CDH23: variants seen among roughly 807,000 people sequenced by gnomAD.
CDH23 encodes the protein cadherin related 23, also known as cadherin-23.
A neutral mutation model predicts 317.1 loss-of-function variants in CDH23; 189 were observed. The observed-to-expected ratio is 0.60, with a 90% CI of 0.53 to 0.67. CDH23 has a LOEUF of 0.67. Ranked by LOEUF, CDH23 falls within the 30% of genes least tolerant of loss-of-function variation. CDH23 has a pLI of 0.00. For synonymous variants in CDH23, 1,839 were observed against 1,876.8 expected, an observed-to-expected ratio of 0.98 and a Z score of 0.52; for missense variants, 4,401 against 4,592.4, an observed-to-expected ratio of 0.96 and a Z score of 1.20.
At chr10:71,700,312 C>T (rs1218686510) in intron 22 of CDH23, among the ~76,000 whole-genome samples, 1 of 152,090 alleles carries the variant, frequency 6.6e-6, no homozygotes, top group East Asian at 1.9e-4. Context: ...ACTTGAACCC[C>T]AGAAGTGGAG....
At chr10:71,526,643 T>C (rs557178271) in intron 6 of CDH23, among the ~76,000 whole-genome samples, 16 of 152,322 alleles carry the variant, frequency 1.1e-4, no homozygotes, top group African/African-American at 3.8e-4. Flanking sequence ...ATGGGGTCTG[T>C]ATCTTATCAT....
intron 28 of CDH23, chr10:71,715,998 G>T: frequency 6.7e-7 from 1 of 1,498,228 alleles, no homozygotes; most frequent in Non-Finnish European, 8.9e-7. Context: ...CCCGGCAGGG[G>T]CTGTCGAGGG....
At chr10:71,582,459 A>G (rs916168504) in intron 9 of CDH23, among the ~76,000 whole-genome samples, 1 of 152,198 alleles carries the variant, frequency 6.6e-6, no homozygotes, top group Non-Finnish European at 1.5e-5. Flanking sequence ...TATTAAAATT[A>G]ATGTTATCTA....
chr10:71,632,712 A>T (rs577795422), intron 11 of CDH23, among the ~76,000 whole-genome samples: 124 of 152,164 alleles, frequency 8.1e-4, no homozygotes, highest in African/African-American at 2.8e-3. Flanking sequence ...TTACCTCAGT[A>T]TAGCTCCTCA....
chr10:71,643,154 C>T lies in CDH23; in HGVS notation c.1135-707C>T, dbSNP rs188238134. On this transcript the variant is annotated intron_variant, in intron 11 of 69. Coordinates refer to ENST00000224721, the MANE Select transcript of CDH23 (RefSeq NM_022124.6). ...CAAGATGTAGTTCTAAGTGAAAAGACTGGACACAGAGCAATGTGCATAGCA... is the reference window on the plus strand; with the variant it reads ...CAAGATGTAGTTCTAAGTGAAAAGATTGGACACAGAGCAATGTGCATAGCA... Among the ~76,000 whole-genome samples, 49 of 152,276 alleles carry T rather than the reference C, an allele frequency of 3.2e-4. No homozygotes were observed. In the South Asian group the frequency reaches 7.5e-3, roughly 23 times the overall value.
intron 52 of CDH23, 52 bp downstream of exon 52, chr10:71,799,681 A>G: frequency 6.2e-7 from 1 of 1,612,468 alleles, no homozygotes; most frequent in Non-Finnish European, 8.5e-7. Context: ...ACCCAGGGTC[A>G]GAGACTGAGC....
At chr10:71,715,901 TA>T (rs1190049713) in intron 28 of CDH23, 2 of 1,443,084 alleles carry the variant, frequency 1.4e-6, no homozygotes, top group Middle Eastern at 1.8e-4. Flanking sequence ...CAGGTAGACC[TA>T]GGGGGATGTG....
At chr10:71,643,930 A>C (rs1862698115) in intron 12 of CDH23, 64 bp downstream of exon 12, 1 of 763,572 alleles carries the variant, frequency 1.3e-6, no homozygotes, top group Non-Finnish European at 2.4e-6. Context: ...CACAGTGGGG[A>C]GGGGCTTTGA....
At chr10:71,610,610 GCAAACAGCTTAGCTCAGTGC>G (rs1860814752) in intron 9 of CDH23, among the ~76,000 whole-genome samples, 1 of 152,202 alleles carries the variant, frequency 6.6e-6, no homozygotes. Flanking sequence ...ATGTGATTGT[GCAAACAGCTTAGCTCAGTGC>G]CTGGTACATG....
chr10:71,686,227 A>T (rs1864880876), intron 18 of CDH23, among the ~76,000 whole-genome samples: 1 of 152,056 alleles, frequency 6.6e-6, no homozygotes, highest in East Asian at 1.9e-4. Context: ...TCTGTCACTG[A>T]CATTCTCCAC....
At chr10:71,526,085 C>A (rs959871592) in intron 6 of CDH23, among the ~76,000 whole-genome samples, 1 of 152,220 alleles carries the variant, frequency 6.6e-6, no homozygotes, top group Non-Finnish European at 1.5e-5. Context: ...AAAGCTCGGC[C>A]CTCTGCATCG....
intron 30 of CDH23, 69 bp downstream of exon 30, chr10:71,725,589 G>A: frequency 1.3e-6 from 2 of 1,528,860 alleles, no homozygotes; most frequent in Non-Finnish European, 1.8e-6. Context: ...AACAGAGAAG[G>A]CCATTAGTTG....
chr10:71,637,116 G>A (rs10465976), intron 11 of CDH23, among the ~76,000 whole-genome samples: 117,131 of 151,982 alleles, frequency 0.77, 45,417 homozygotes, highest in South Asian at 0.88. Context: ...TGTCTGATTG[G>A]GGTGAATTAA....
intron 1 of CDH23, among the ~76,000 whole-genome samples, chr10:71,399,473 A>G (rs1012078026): frequency 2.0e-5 from 3 of 152,222 alleles, no homozygotes; most frequent in African/African-American, 7.2e-5. Flanking sequence ...CTCTTTGGCC[A>G]GTTTTGCTAG....
chr10:71,562,014 G>A (rs953678002), intron 6 of CDH23, among the ~76,000 whole-genome samples: 1 of 152,094 alleles, frequency 6.6e-6, no homozygotes, highest in African/African-American at 2.4e-5. Context: ...CCACAATGGA[G>A]GTGTTGGAAG....
intron 4 of CDH23, 76 bp from the exon 5 acceptor site, chr10:71,510,878 C>A: frequency 6.9e-7 from 1 of 1,439,826 alleles, no homozygotes; most frequent in Non-Finnish European, 9.8e-7. Context: ...GAGCCCCTCC[C>A]GCCCCATTTA....
intron 28 of CDH23, chr10:71,716,037 G>T: frequency 2.0e-6 from 3 of 1,507,988 alleles, no homozygotes; most frequent in Non-Finnish European, 1.8e-6. Context: ...CGGAAGCTGT[G>T]CAGGGAGAGG....
At chr10:71,628,644 C>T (rs375361981) in intron 11 of CDH23, among the ~76,000 whole-genome samples, 5 of 152,088 alleles carry the variant, frequency 3.3e-5, no homozygotes. Flanking sequence ...ATTACAGGCA[C>T]CTATTACCAC....
intron 6 of CDH23, among the ~76,000 whole-genome samples, chr10:71,534,423 C>A (rs1855585993): frequency 6.6e-6 from 1 of 152,194 alleles, no homozygotes; most frequent in Admixed American, 6.5e-5. Context: ...CTGCGGAATC[C>A]CCACAGCCCC....
Sources: allele counts gnomAD v4.1 joint callset (sites outside exome capture counted in the v4.1 genomes callset), GRCh38; gene constraint gnomAD v4.1.1; transcripts MANE v1.5; gene names NCBI Gene and HGNC (gene_info 2026-07-23, HGNC 2026-07-21).